The following GOLGA2 variants were observed in gnomAD, a reference collection of about 807,000 sequenced individuals.
GOLGA2 encodes the protein golgin subfamily A member 2.
In GOLGA2, 49 loss-of-function variants were observed where a neutral mutation model predicts 148.8. The observed-to-expected ratio is 0.33, with a 90% CI of 0.26 to 0.42. The LOEUF is 0.42. Among genes scored for constraint, GOLGA2 ranks in the 10% least tolerant of loss-of-function variants. The pLI is 1.00. For missense variants in GOLGA2, 1,178 were observed against 1,304.6 expected, an observed-to-expected ratio of 0.90 and a Z score of 1.49; for synonymous variants, 501 against 511.8, an observed-to-expected ratio of 0.98 and a Z score of 0.28.
Position 128,257,955 on chromosome 9 carries a change from C to G in GOLGA2, c.2508+25G>C. The G allele has an allele frequency of 6.4e-7, 1 of 1,553,098 alleles. No individual in the cohort carries two copies. The highest frequency in any genetic ancestry group is 1.1e-5 in the South Asian group (1 of 89,596). ...CCTGCCCCGCCCCCACCCTTCTTGA[C>G]CCATGCCAGGAGAGACTCATTCACC... On this transcript the variant is annotated intron_variant, in intron 23 of 26. Transcript: ENST00000611957. This position sits in a 1 kb window ranked among gnomAD's most constrained non-coding sequence, Gnocchi z 8.0.
rs12386998 is a variant in GOLGA2, at chr9:128,256,787, C to G, written c.*280G>C. 140 of 236,140 alleles carry G rather than the reference C, an allele frequency of 5.9e-4. No individual in the cohort carries two copies. The highest frequency in any genetic ancestry group is 3.1e-3 in the African/African-American group (133 of 43,544). 14.6% of individuals were successfully genotyped at this position (236,140 alleles called of 1,614,324 possible). On this transcript the variant is annotated 3_prime_UTR_variant, in exon 27 of 27. Transcript: ENST00000611957. Reference sequence around the variant, plus strand: ...GGGATTACAGGCGTGAGCCACTGCACCTGGCCTTTTTTCATAACTTTTATA... The same window carrying G: ...GGGATTACAGGCGTGAGCCACTGCAGCTGGCCTTTTTTCATAACTTTTATA...
At chr9:128,272,037 AT>A (rs201715961) in intron 3 of GOLGA2, among the ~76,000 whole-genome samples, 141 of 144,342 alleles carry the variant, frequency 9.8e-4, no homozygotes, top group African/African-American at 3.3e-3. Context: ...AAGTGAATTA[AT>A]TTAAAAAAAA....
In GOLGA2 at chr9:128,258,143, C is replaced by G; in HGVS notation, c.2345G>C (p.Arg782Pro). 6 of 1,607,210 alleles carry G rather than the reference C, an allele frequency of 3.7e-6. No homozygotes were observed. The highest frequency in any genetic ancestry group is 5.1e-6 in the Non-Finnish European group (6 of 1,178,818). Reference protein sequence around the residue: ...ASAEEEQARLRGQLKEQRVRC... With the variant: ...ASAEEEQARLPGQLKEQRVRC... ...CACCCTTTGCTCCTTCAGCTGCCCA[C>G]GTAGCCTTGCCTGCTCCTCCTCGGC... The change falls in exon 23 of 27, where the codon CGT becomes CCT. Residue 782 changes from arginine to proline, a missense_variant. By Grantham distance (103) the Arg-to-Pro change is moderately radical. Transcript: ENST00000611957. The surrounding 1 kb of genome is among the most constrained non-coding windows in gnomAD (Gnocchi z 6.6).
intron 1 of GOLGA2, chr9:128,275,512 G>A (rs1588496693): frequency 7.6e-7 from 1 of 1,308,870 alleles, no homozygotes; most frequent in African/African-American, 1.5e-5. Context: ...GGTCGAGTCT[G>A]GAGCGGGGGG....
Position 128,268,532 on chromosome 9 carries a change from A to G in GOLGA2, c.289-8T>C. ...AGCATTGTCCTTGGGTGTCTGTCAC[A>G]GAACAGAGCAGGGGGTTAGGGGGCC... is the stretch of plus-strand genomic sequence containing the variant. On this transcript the variant is annotated splice_region_variant and splice_polypyrimidine_tract_variant and intron_variant, in intron 3 of 26. Coordinates refer to ENST00000611957, the MANE Select transcript of GOLGA2 (RefSeq NM_001366244.2). 6.5e-7 allele frequency: 1 copy of G among 1,542,042 alleles called. No individual in the cohort carries two copies. The highest frequency in any genetic ancestry group is 1.1e-5 in the South Asian group (1 of 89,560).
intron 3 of GOLGA2, 21 bp downstream of exon 3, chr9:128,272,764 G>A: frequency 9.6e-7 from 1 of 1,037,150 alleles, no homozygotes; most frequent in Non-Finnish European, 1.3e-6. Context: ...AAGCCAGAGA[G>A]GGGTCTCGGC....
intron 12 of GOLGA2, 21 bp downstream of exon 12, chr9:128,265,564 G>A (rs757319436): frequency 1.9e-5 from 29 of 1,531,104 alleles, no homozygotes; most frequent in Middle Eastern, 1.7e-4. Flanking sequence ...GCCAGGGGAC[G>A]GGGCAGGCAG....
In GOLGA2 at chr9:128,260,131, T is replaced by A; in HGVS notation, c.1817A>T (p.Glu606Val). 6.2e-7 allele frequency: 1 copy of A among 1,611,186 alleles called. No individual in the cohort carries two copies. The highest frequency in any genetic ancestry group is 8.5e-7 in the Non-Finnish European group (1 of 1,179,874). The change falls in exon 19 of 27, where the codon GAG becomes GTG. Residue 606 changes from glutamate to valine, a missense_variant. Around this residue, in one of 5 missense-constraint regions of GOLGA2, gnomAD observed 529 missense variants for 521.8 expected, o/e 1.01. Coordinates refer to ENST00000611957, the MANE Select transcript of GOLGA2 (RefSeq NM_001366244.2). This position sits in a 1 kb window ranked among gnomAD's most constrained non-coding sequence, Gnocchi z 4.8. ...ALQSEQHVKR[E>V]LGKKLGELQE... Reference sequence around the variant, plus strand: ...CAGCTCGCCCAGCTTCTTTCCCAGCTCCCTCTTGACGTGCTGCTCCGACTG... The same window carrying A: ...CAGCTCGCCCAGCTTCTTTCCCAGCACCCTCTTGACGTGCTGCTCCGACTG...
In GOLGA2 at chr9:128,257,427, A is replaced by T; in HGVS notation, c.2817T>A (p.Asp939Glu). Reference sequence around the variant, plus strand: ...GGGCTGGGGCCCCTGAAGTGGGCTCATCAGCAGGGTTCTGGGCAGCTGCCA... The same window carrying T: ...GGGCTGGGGCCCCTGAAGTGGGCTCTTCAGCAGGGTTCTGGGCAGCTGCCA... ...RFLAAAQNPA[D>E]EPTSGAPAPQ... The change falls in exon 26 of 27, where the codon GAT becomes GAA. Residue 939 changes from aspartate to glutamate, a missense_variant. Transcript: ENST00000611957. The surrounding 1 kb of genome is among the most constrained non-coding windows in gnomAD (Gnocchi z 8.0). 2 of 1,612,980 alleles carry T rather than the reference A, an allele frequency of 1.2e-6. No individual in the cohort carries two copies. The highest frequency in any genetic ancestry group is 1.7e-6 in the Non-Finnish European group (2 of 1,179,986).
At position 128,261,143 on chromosome 9, in the gene GOLGA2, G is replaced by A; in HGVS notation, c.1420+29C>T. On this transcript the variant is annotated intron_variant, in intron 17 of 26. Coordinates refer to ENST00000611957, the MANE Select transcript of GOLGA2 (RefSeq NM_001366244.2). This position sits in a 1 kb window ranked among gnomAD's most constrained non-coding sequence, Gnocchi z 5.7. The stretch of plus-strand genomic sequence containing the variant: ...CCCACAACCCTCTGACACCATTCCT[G>A]CTCCCAGGTCACCCCAGCCCCAGCT... 2.7e-6 allele frequency: 4 copies of A among 1,490,222 alleles called. No individual in the cohort carries two copies. Among genetic ancestry groups the A allele is most frequent in the Non-Finnish European group, 3.7e-6 (4 of 1,067,524 alleles). The allele number at this position is 1,490,222 out of a possible 1,614,324, so 92.3% of individuals were successfully genotyped here.
intron 1 of GOLGA2, chr9:128,275,403 C>A: frequency 7.8e-7 from 1 of 1,288,130 alleles, no homozygotes; most frequent in Non-Finnish European, 9.9e-7. Flanking sequence ...AGTCGCCGCT[C>A]CGCGATGGGG....
chr9:128,258,484 G>A lies in GOLGA2; in HGVS notation c.2260C>T (p.Pro754Ser), dbSNP rs772057374. ...GCTTCCCGGCTCTCCAGGTCCTCCG[G>A]GATGCTTGGCATGGGCTGAGGTACT... ...VAVPQPMPSIPEDLESREAMV... is the reference protein window; with the variant it reads ...VAVPQPMPSISEDLESREAMV... The change falls in exon 22 of 27, where the codon CCG becomes TCG. Residue 754 changes from proline (P) to serine (S), a missense_variant. Around this residue, in one of 5 missense-constraint regions of GOLGA2, gnomAD observed 529 missense variants for 521.8 expected, o/e 1.01. Transcript: ENST00000611957. This position sits in a 1 kb window ranked among gnomAD's most constrained non-coding sequence, Gnocchi z 6.6. 1 of 1,612,706 alleles carries A rather than the reference G, an allele frequency of 6.2e-7. No homozygotes were observed. The highest frequency in any genetic ancestry group is 1.7e-5 in the Admixed American group (1 of 59,784).
Position 128,268,599 on chromosome 9 carries a change from G to C in GOLGA2, c.289-75C>G, listed in dbSNP as rs943809746. The C allele has an allele frequency of 3.9e-6, 3 of 760,636 alleles. No homozygotes were observed. The African/African-American group carries it at 5.1e-5, about 13-fold the overall frequency. The allele number at this position is 760,636 out of a possible 1,614,324, so 47.1% of individuals were successfully genotyped here. Reference sequence around the variant, plus strand: ...TCAGTACTATGAACACAAGGGTGTGGAACAGGTAGGACAGGTGTTGCTGCA... The same window carrying C: ...TCAGTACTATGAACACAAGGGTGTGCAACAGGTAGGACAGGTGTTGCTGCA... On this transcript the variant is annotated intron_variant, in intron 3 of 26. Coordinates refer to ENST00000611957, the MANE Select transcript of GOLGA2 (RefSeq NM_001366244.2).
Position 128,260,070 on chromosome 9 carries a change from G to A in GOLGA2, c.1872+6C>T, listed in dbSNP as rs775563471. On this transcript the variant is annotated splice_donor_region_variant and intron_variant, in intron 19 of 26. Coordinates refer to ENST00000611957, the MANE Select transcript of GOLGA2 (RefSeq NM_001366244.2). The surrounding 1 kb of genome is among the most constrained non-coding windows in gnomAD (Gnocchi z 4.8). The stretch of plus-strand genomic sequence containing the variant: ...TCCCAGCCCTTCTTGGATGGGGCGG[G>A]GTTACCGTTTCCTTCAGCTCGCTCA... 2.5e-6 allele frequency: 4 copies of A among 1,594,522 alleles called. No homozygotes were observed. The highest frequency in any genetic ancestry group is 1.7e-6 in the Non-Finnish European group (2 of 1,167,126).
Position 128,257,832 on chromosome 9 carries a change from C to G in GOLGA2, c.2569G>C (p.Glu857Gln). ...ADLKERVEEL[E>Q]HRCIQLSGET... The stretch of plus-strand genomic sequence containing the variant: ...CCAGAAAGCTGGATGCAGCGATGTT[C>G]CAGTTCCTCTACCCTCTCCTTCAGG... The change falls in exon 24 of 27, where the codon GAA becomes CAA. Residue 857 changes from glutamate (E) to glutamine (Q), a missense_variant. Physicochemically the swap from Glu to Gln is conservative, Grantham distance 29. Transcript: ENST00000611957. The surrounding 1 kb of genome is among the most constrained non-coding windows in gnomAD (Gnocchi z 8.0). The G allele has an allele frequency of 6.2e-7, 1 of 1,614,186 alleles. No homozygotes were observed. The highest frequency in any genetic ancestry group is 1.6e-4 in the Middle Eastern group (1 of 6,062).
At position 128,266,410 on chromosome 9, in the gene GOLGA2, G is replaced by T; in HGVS notation, c.643-85C>A. 8.1e-7 allele frequency: 1 copy of T among 1,227,518 alleles called. No homozygotes were observed. The highest frequency in any genetic ancestry group is 1.2e-6 in the Non-Finnish European group (1 of 839,888). The allele number at this position is 1,227,518 out of a possible 1,614,324, so 76.0% of individuals were successfully genotyped here. ...ACCAGGAACGGGTAGGCAGGGGCCA[G>T]GAATGGATTTTAAAGGCAAAGTTCT... On this transcript the variant is annotated intron_variant, in intron 8 of 26. Coordinates refer to ENST00000611957, the MANE Select transcript of GOLGA2 (RefSeq NM_001366244.2). This position sits in a 1 kb window ranked among gnomAD's most constrained non-coding sequence, Gnocchi z 4.2.
At chr9:128,272,918 G>T in intron 2 of GOLGA2, 53 bp from the exon 3 acceptor site, 1 of 689,104 alleles carries the variant, frequency 1.5e-6, no homozygotes, top group Non-Finnish European at 2.2e-6. Context: ...GGTAGAAGTG[G>T]CTTAGAGAGA....
In GOLGA2 at chr9:128,258,944, G is replaced by A. The variant is rs941948923; in HGVS notation, c.2173+63C>T. 2.9e-5 allele frequency: 31 copies of A among 1,078,760 alleles called. No individual in the cohort carries two copies. In the African/African-American group the frequency reaches 3.2e-4, roughly 11 times the overall value. 66.8% of individuals were successfully genotyped at this position (1,078,760 alleles called of 1,614,324 possible). On this transcript the variant is annotated intron_variant, in intron 21 of 26. Transcript: ENST00000611957. This position sits in a 1 kb window ranked among gnomAD's most constrained non-coding sequence, Gnocchi z 6.6. ...GTCTCTTCCAACTCCTCAATTCTAC[G>A]CTGCTAACAGTCCCCCCTTCTTCCT...
chr9:128,258,032 G>A lies in GOLGA2; in HGVS notation c.2456C>T (p.Ser819Phe). The A allele has an allele frequency of 6.2e-7, 1 of 1,609,740 alleles. No individual in the cohort carries two copies. The highest frequency in any genetic ancestry group is 1.1e-5 in the South Asian group (1 of 90,866). ...AAPAPGTGGD[S>F]VCGETHRALQ... ...GGCCCGGTGGGTCTCCCCACACACA[G>A]AATCACCCCCGGTCCCTGGGGCTGG... The change falls in exon 23 of 27, where the codon TCT becomes TTT. Residue 819 changes from serine to phenylalanine, a missense_variant. Ser to Phe is a radical substitution (Grantham distance 155). Around this residue, in one of 5 missense-constraint regions of GOLGA2, gnomAD observed 529 missense variants for 521.8 expected, o/e 1.01. Coordinates refer to ENST00000611957, the MANE Select transcript of GOLGA2 (RefSeq NM_001366244.2). The surrounding 1 kb of genome is among the most constrained non-coding windows in gnomAD (Gnocchi z 6.6).
Sources: gnomAD v4.1 joint callset for allele counts (sites outside exome capture counted in the v4.1 genomes callset) on GRCh38, gnomAD v4.1.1 for gene constraint, gnomAD v4.1.1 regional missense constraint, Gnocchi (gnomAD v3.1) non-coding constraint, MANE v1.5 for transcripts, NCBI Gene and HGNC (gene_info 2026-07-23, HGNC 2026-07-21) for gene names.